The following SOS1 variants were observed in gnomAD, a reference collection of about 807,000 sequenced individuals.
SOS1 encodes the protein son of sevenless homolog 1.
A neutral mutation model predicts 157.6 loss-of-function variants in SOS1; 25 were observed. The ratio of observed to expected loss-of-function variants is 0.16; its 90% CI spans 0.12 to 0.22. SOS1 has a LOEUF of 0.22. SOS1 is among the 10% of genes least tolerant of loss of function. SOS1 has a pLI of 1.00. For synonymous variants in SOS1, 528 were observed against 534.0 expected, an observed-to-expected ratio of 0.99 and a Z score of 0.16; for missense variants, 1,237 against 1,599.1, an observed-to-expected ratio of 0.77 and a Z score of 3.86.
At chr2:39,004,197 T>C (rs1285730550) in intron 17 of SOS1, among the ~76,000 whole-genome samples, 2 of 152,074 alleles carry the variant, frequency 1.3e-5, no homozygotes, top group East Asian at 3.9e-4. Context: ...GGGCGGATCA[T>C]GAAGTCAGGA....
In SOS1 at chr2:39,045,286, G is replaced by GTGTGTA. The variant is rs1434883344; in HGVS notation, c.864+5857_864+5858insTACACA. On this transcript the variant is annotated intron_variant, in intron 6 of 22. Transcript: ENST00000402219. ...AGAGAGAGAGAGAGTGTGTGTGTGT[G>GTGTGTA]TGTGTGTGTGTGTGTGTAAAATCAA... Among the ~76,000 whole-genome samples, 7 of 151,632 alleles carry GTGTGTA rather than the reference G, an allele frequency of 4.6e-5. No individual in the cohort carries two copies. In the East Asian group the frequency reaches 1.2e-3, roughly 25 times the overall value.
intron 1 of SOS1, among the ~76,000 whole-genome samples, chr2:39,095,991 T>G (rs1473224172): frequency 6.6e-6 from 1 of 152,244 alleles, no homozygotes; most frequent in Non-Finnish European, 1.5e-5. Flanking sequence ...TGGAGCTATT[T>G]GGCTACCCAA....
intron 19 of SOS1, among the ~76,000 whole-genome samples, chr2:38,995,958 C>A (rs1668876650): frequency 6.6e-6 from 1 of 152,122 alleles, no homozygotes; most frequent in African/African-American, 2.4e-5. Flanking sequence ...TATTTTTAAT[C>A]CATCTTATTA....
intron 6 of SOS1, among the ~76,000 whole-genome samples, chr2:39,041,562 T>C (rs887463810): frequency 2.0e-5 from 3 of 152,242 alleles, no homozygotes; most frequent in Non-Finnish European, 2.9e-5. Flanking sequence ...TTTTCTTTTA[T>C]AGCTTGTGCT....
intron 1 of SOS1, among the ~76,000 whole-genome samples, chr2:39,104,727 A>G (rs1219470392): frequency 6.6e-6 from 1 of 152,246 alleles, no homozygotes; most frequent in Admixed American, 6.5e-5. Flanking sequence ...AGTATTACTG[A>G]GCATTAAAAA....
At position 39,009,427 on chromosome 2, in the gene SOS1, G is replaced by A. The variant is rs1669389606; in HGVS notation, c.2510+1157C>T. Among the ~76,000 whole-genome samples the A allele has an allele frequency of 2.0e-5, 3 of 152,124 alleles. No individual in the cohort carries two copies. The South Asian group carries it at 6.2e-4, about 32-fold the overall frequency. The stretch of plus-strand genomic sequence containing the variant: ...AGCAAGTGATCCCAGATGGTAATTC[G>A]AATCCACACAAAGACCATCAGTAAA... On this transcript the variant is annotated intron_variant, in intron 15 of 22. Transcript: ENST00000402219.
chr2:39,004,431 A>G (rs1669220021), intron 17 of SOS1, among the ~76,000 whole-genome samples: 1 of 138,532 alleles, frequency 7.2e-6, no homozygotes, highest in Non-Finnish European at 1.6e-5. Context: ...AAAAAAAAGG[A>G]AGTCCCATAT....
Position 39,058,709 on chromosome 2 carries a change from T to G in SOS1, c.309A>C (p.Leu103Phe). The change falls in exon 3 of 23, where the codon TTA becomes TTC. Residue 103 changes from leucine to phenylalanine, a missense_variant. Transcript: ENST00000402219. Reference protein sequence around the residue: ...AIEKRKRRNPLSLPVEKIHPL... With the variant: ...AIEKRKRRNPFSLPVEKIHPL... ...GATGAATTTTTTCTACTGGGAGAGA[T>G]AAAGGGTTTCTTCGCTTCCTCTTTT... The G allele has an allele frequency of 6.2e-7, 1 of 1,612,974 alleles. No homozygotes were observed. Among genetic ancestry groups the G allele is most frequent in the Non-Finnish European group, 8.5e-7 (1 of 1,179,184 alleles).
intron 10 of SOS1, among the ~76,000 whole-genome samples, chr2:39,021,378 A>C (rs1177510028): frequency 6.6e-6 from 1 of 151,654 alleles, no homozygotes; most frequent in Non-Finnish European, 1.5e-5. Context: ...TTTGTGAAAT[A>C]TAGCAATTTA....
chr2:39,077,146 C>T (rs956100936), intron 1 of SOS1, among the ~76,000 whole-genome samples: 1 of 151,996 alleles, frequency 6.6e-6, no homozygotes, highest in East Asian at 1.9e-4. Context: ...CGTTCGACAC[C>T]AGGCTGACAA....
At chr2:39,037,993 G>A (rs1351341390) in intron 6 of SOS1, among the ~76,000 whole-genome samples, 5 of 152,138 alleles carry the variant, frequency 3.3e-5, no homozygotes, top group African/African-American at 1.2e-4. Context: ...TATACAAGGA[G>A]ATTAATGTTG....
chr2:39,083,431 A>T (rs1174021548), intron 1 of SOS1, among the ~76,000 whole-genome samples: 8 of 152,232 alleles, frequency 5.3e-5, no homozygotes, highest in Non-Finnish European at 2.9e-5. Context: ...AAATGTTGCA[A>T]AACGCAAACA....
At chr2:39,078,651 T>C (rs1005610567) in intron 1 of SOS1, among the ~76,000 whole-genome samples, 3 of 152,136 alleles carry the variant, frequency 2.0e-5, no homozygotes, top group African/African-American at 7.2e-5. Context: ...GGGATCTAGG[T>C]TGCACACCTT....
chr2:39,056,574 C>T, intron 4 of SOS1, 128 bp downstream of exon 4: 2 of 689,158 alleles, frequency 2.9e-6, no homozygotes, highest in Non-Finnish European at 5.2e-6. Context: ...TCTTGAATCC[C>T]TACTATTAGG....
intron 14 of SOS1, 150 bp downstream of exon 14, chr2:39,011,976 C>T: frequency 3.0e-6 from 2 of 672,218 alleles, no homozygotes; most frequent in Non-Finnish European, 5.4e-6. Flanking sequence ...AGTAAAAGAA[C>T]AGGAACTGCC....
At chr2:39,042,622 C>G (rs1670610788) in intron 6 of SOS1, among the ~76,000 whole-genome samples, 1 of 151,642 alleles carries the variant, frequency 6.6e-6, no homozygotes, top group African/African-American at 2.4e-5. Context: ...CCAGACTGGT[C>G]TCAAACTCCT....
At chr2:39,016,417 CA>C (rs1413928904) in intron 10 of SOS1, among the ~76,000 whole-genome samples, 2 of 152,048 alleles carry the variant, frequency 1.3e-5, no homozygotes, top group African/African-American at 4.8e-5. Context: ...CAGAGTTCCT[CA>C]AAAGTTAAAG....
intron 15 of SOS1, among the ~76,000 whole-genome samples, chr2:39,008,678 C>G (rs894095235): frequency 3.2e-4 from 48 of 152,216 alleles, no homozygotes; most frequent in African/African-American, 9.9e-4. Flanking sequence ...AATTTGATTG[C>G]ATTATTTTGT....
In SOS1 at chr2:39,007,103, G is replaced by A; in HGVS notation, c.2601C>T (p.Asn867=). Residue 867 remains asparagine (N), a synonymous_variant, in exon 16 of 23, where the codon AAC becomes AAT. Transcript: ENST00000402219. ...EILQVFQELN[N]FNGVLEVVSA... ...TGACAACCTCAAGGACACCATTAAA[G>A]TTGTTCAACTCTTGAAAGACTTGTA... 6.2e-7 allele frequency: 1 copy of A among 1,607,250 alleles called. No individual in the cohort carries two copies. Among genetic ancestry groups the A allele is most frequent in the Non-Finnish European group, 8.5e-7 (1 of 1,173,814 alleles).
Sources: allele counts gnomAD v4.1 joint callset (sites outside exome capture counted in the v4.1 genomes callset), GRCh38; gene constraint gnomAD v4.1.1; transcripts MANE v1.5; gene names NCBI Gene and HGNC (gene_info 2026-07-23, HGNC 2026-07-21).